Variants in AMBRA1 observed in about 807,000 individuals in gnomAD.
AMBRA1 encodes the protein activating molecule in BECN1-regulated autophagy protein 1.
A neutral mutation model predicts 125.4 loss-of-function variants in AMBRA1; 47 were observed. The ratio of observed to expected loss-of-function variants is 0.37; its 90% CI spans 0.30 to 0.48. The LOEUF (loss-of-function observed/expected upper bound fraction) is 0.48, where lower values mean the gene tolerates loss of function less well. Ranked by LOEUF, AMBRA1 falls within the 20% of genes least tolerant of loss-of-function variation. AMBRA1 has a pLI of 0.99. For synonymous variants in AMBRA1, 626 were observed against 655.5 expected, an observed-to-expected ratio of 0.95 and a Z score of 0.69; for missense variants, 1,331 against 1,693.4, an observed-to-expected ratio of 0.79 and a Z score of 3.76.
At chr11:46,528,706 A>G (rs755684473) in intron 7 of AMBRA1, among the ~76,000 whole-genome samples, 4 of 152,228 alleles carry the variant, frequency 2.6e-5, no homozygotes, top group Non-Finnish European at 5.9e-5. Context: ...GATCTATTGA[A>G]CAATAATGTG....
intron 1 of AMBRA1, among the ~76,000 whole-genome samples, chr11:46,574,436 ATG>A (rs1164316742): frequency 6.6e-6 from 1 of 151,268 alleles, no homozygotes; most frequent in Non-Finnish European, 1.5e-5. Flanking sequence ...GCATTTTTTC[ATG>A]TGTTTTTTGG....
chr11:46,475,215 T>C (rs1026785079), intron 11 of AMBRA1, among the ~76,000 whole-genome samples: 2 of 152,250 alleles, frequency 1.3e-5, no homozygotes, highest in African/African-American at 4.8e-5. Flanking sequence ...TAACTTGGAA[T>C]GCAAAGTATT....
chr11:46,518,006 G>C (rs926644310), intron 7 of AMBRA1: 16 of 483,922 alleles, frequency 3.3e-5, no homozygotes, highest in Admixed American at 1.3e-4. Context: ...GTGGGTAAAG[G>C]GTATATGGGA....
intron 1 of AMBRA1, among the ~76,000 whole-genome samples, chr11:46,567,263 G>C (rs1037822073): frequency 6.6e-6 from 1 of 152,100 alleles, no homozygotes; most frequent in African/African-American, 2.4e-5. Context: ...GTAGAAACGT[G>C]GTTTCACCAT....
chr11:46,560,980 G>C (rs73449949), intron 1 of AMBRA1, among the ~76,000 whole-genome samples: 1,837 of 152,240 alleles, frequency 0.012, 45 homozygotes, highest in African/African-American at 0.042. Flanking sequence ...AATCATAAAG[G>C]ATCACATCTT....
intron 1 of AMBRA1, among the ~76,000 whole-genome samples, chr11:46,555,658 T>C (rs1277516719): frequency 6.6e-6 from 1 of 152,200 alleles, no homozygotes. Context: ...TAAAAAGTGC[T>C]CAGGGAGAAA....
chr11:46,592,256 A>G (rs1318183286), intron 1 of AMBRA1, among the ~76,000 whole-genome samples: 1 of 151,808 alleles, frequency 6.6e-6, no homozygotes. Flanking sequence ...TTTTTTTCCA[A>G]GAATGAAGTG....
At chr11:46,567,111 G>C (rs2043560234) in intron 1 of AMBRA1, among the ~76,000 whole-genome samples, 1 of 151,730 alleles carries the variant, frequency 6.6e-6, no homozygotes, top group Non-Finnish European at 1.5e-5. Flanking sequence ...TTGCTCTGTA[G>C]CCCAGACTGG....
intron 1 of AMBRA1, among the ~76,000 whole-genome samples, chr11:46,550,860 G>A (rs1358013605): frequency 6.6e-6 from 1 of 151,458 alleles, no homozygotes; most frequent in African/African-American, 2.4e-5. Flanking sequence ...GCCGAGACGG[G>A]CGGATCGCGA....
At chr11:46,578,812 T>C (rs1591177088) in intron 1 of AMBRA1, among the ~76,000 whole-genome samples, 1 of 116,326 alleles carries the variant, frequency 8.6e-6, no homozygotes, top group Admixed American at 1.2e-4. Flanking sequence ...ACCCGGGAGG[T>C]GGAGCTTGCA....
chr11:46,520,688 C>T (rs1356748418), intron 7 of AMBRA1, among the ~76,000 whole-genome samples: 31 of 151,616 alleles, frequency 2.0e-4, no homozygotes, highest in African/African-American at 6.8e-4. Flanking sequence ...CTCTGCCTCC[C>T]GGGTTCACGC....
In AMBRA1 at chr11:46,397,092, C is replaced by G. The variant is rs1441406596; in HGVS notation, c.*358G>C. 5.3e-6 allele frequency: 1 copy of G among 188,358 alleles called. No homozygotes were observed. The highest frequency in any genetic ancestry group is 1.1e-5 in the Non-Finnish European group (1 of 92,462). The allele number at this position is 188,358 out of a possible 1,614,324, so 11.7% of individuals were successfully genotyped here. A position where few individuals can be genotyped will look rare whatever the true frequency, so the allele number is the denominator to read the frequency against. ...TCTGTCCAGGATGATTGGCCCAGATCTGGAAGACTGTTCACTCTCTGGAGG... is the reference window on the plus strand; with the variant it reads ...TCTGTCCAGGATGATTGGCCCAGATGTGGAAGACTGTTCACTCTCTGGAGG... On this transcript the variant is annotated 3_prime_UTR_variant, in exon 18 of 18. Coordinates refer to ENST00000683756, the MANE Select transcript of AMBRA1 (RefSeq NM_001387011.1).
At chr11:46,563,824 AAC>A (rs1315444018) in intron 1 of AMBRA1, among the ~76,000 whole-genome samples, 2 of 149,832 alleles carry the variant, frequency 1.3e-5, no homozygotes, top group Non-Finnish European at 1.5e-5. Flanking sequence ...CTAGTCTGGC[AAC>A]AAAGCGAGAC....
At chr11:46,546,033 C>CTT (rs35703280) in intron 4 of AMBRA1, 215 of 139,132 alleles carry the variant, frequency 1.5e-3, no homozygotes, top group South Asian at 5.2e-3. Context: ...GTTCCTATTT[C>CTT]TTTTTTTTTT....
At chr11:46,432,328 T>A (rs1036535028) in intron 14 of AMBRA1, among the ~76,000 whole-genome samples, 2 of 152,094 alleles carry the variant, frequency 1.3e-5, no homozygotes, top group Non-Finnish European at 2.9e-5. Flanking sequence ...TAGCTGGAGA[T>A]AGGGGACAGG....
chr11:46,418,013 G>T lies in AMBRA1; in HGVS notation c.3016C>A (p.Arg1006=), dbSNP rs750314722. The T allele has an allele frequency of 2.5e-6, 4 of 1,606,324 alleles. No individual in the cohort carries two copies. In the Admixed American group the frequency reaches 6.7e-5, roughly 27 times the overall value. The change falls in exon 15 of 18, where the codon CGG becomes AGG. Residue 1006 remains arginine (R), a synonymous_variant. Transcript: ENST00000683756. ...NVLYPMPADQ[R]RHVSINSARW... is the part of the protein sequence containing the mutation. ...GCAGAGTTGATACTGACATGTCTCC[G>T]CTGGTCGGCAGGCATGGGATAAAGG...
At chr11:46,426,345 C>T (rs1415110727) in intron 14 of AMBRA1, among the ~76,000 whole-genome samples, 1 of 152,150 alleles carries the variant, frequency 6.6e-6, no homozygotes, top group Non-Finnish European at 1.5e-5. Context: ...AGTGAAAAGA[C>T]CAGAAGAAGC....
chr11:46,482,410 G>C (rs1950104341), intron 11 of AMBRA1, among the ~76,000 whole-genome samples: 1 of 152,208 alleles, frequency 6.6e-6, no homozygotes, highest in East Asian at 1.9e-4. Flanking sequence ...AGACTGTTGT[G>C]AACACTTGCT....
chr11:46,480,549 TGCTCTAGATCAACATGTGTACCTTAA>T (rs1258544260), intron 11 of AMBRA1, among the ~76,000 whole-genome samples: 1 of 152,228 alleles, frequency 6.6e-6, no homozygotes, highest in Non-Finnish European at 1.5e-5. Flanking sequence ...TTTCCTTCTT[TGCTCTAGATCAACATGTGTACCTTAA>T]AAGCAACTGG....
Sources: allele counts gnomAD v4.1 joint callset (sites outside exome capture counted in the v4.1 genomes callset), GRCh38; gene constraint gnomAD v4.1.1; transcripts MANE v1.5; gene names NCBI Gene and HGNC (gene_info 2026-07-23, HGNC 2026-07-21).